MCOLN2: variants seen among roughly 807,000 people sequenced by gnomAD.
The protein encoded by MCOLN2 is mucolipin-2.
Under a neutral mutation model 67.5 loss-of-function variants are expected in MCOLN2, and 57 were observed. The ratio of observed to expected loss-of-function variants is 0.84; its 90% confidence interval spans 0.68 to 1.05. The LOEUF is 1.05. MCOLN2 is among the 50% of genes least tolerant of loss of function. MCOLN2 has a pLI of 0.00. For synonymous variants in MCOLN2, 246 were observed against 233.3 expected, an observed-to-expected ratio of 1.05 and a Z score of -0.50; for missense variants, 620 against 678.8, an observed-to-expected ratio of 0.91 and a Z score of 0.96.
intron 1 of MCOLN2, among the ~76,000 whole-genome samples, chr1:84,988,187 A>G (rs1380775653): frequency 6.6e-6 from 1 of 151,942 alleles, no homozygotes; most frequent in African/African-American, 2.4e-5. Flanking sequence ...GGTGCACAGC[A>G]GAATCATCTG....
chr1:84,965,696 T>C lies in MCOLN2; in HGVS notation c.90A>G (p.Ala30=), dbSNP rs766770733. The C allele has an allele frequency of 6.2e-7, 1 of 1,611,670 alleles. No homozygotes were observed. Among genetic ancestry groups the C allele is most frequent in the Admixed American group, 1.7e-5 (1 of 59,458 alleles). ...CTTCTTTCATCTCAGAATCACGATG[T>C]GCCATTGCATTTCTGCCACAGAAGA... ...VFRLTVRNAM[A]HRDSEMKEEC... The change falls in exon 2 of 14, where the codon GCA becomes GCG. Residue 30 remains alanine (A), a synonymous_variant. Transcript: ENST00000370608.
intron 7 of MCOLN2, among the ~76,000 whole-genome samples, chr1:84,945,256 C>T (rs1414110030): frequency 6.6e-6 from 1 of 152,164 alleles, no homozygotes; most frequent in Non-Finnish European, 1.5e-5. Context: ...TGGAAATTTC[C>T]ATCATTTTGA....
intron 1 of MCOLN2, among the ~76,000 whole-genome samples, chr1:84,967,221 T>G (rs1190600658): frequency 6.6e-6 from 1 of 152,206 alleles, no homozygotes; most frequent in East Asian, 1.9e-4. Context: ...AATGACAATA[T>G]TTGAATTCCT....
chr1:84,973,957 C>T (rs1042906704), intron 1 of MCOLN2, among the ~76,000 whole-genome samples: 2 of 152,314 alleles, frequency 1.3e-5, no homozygotes, highest in Admixed American at 1.3e-4. Context: ...GCAGTGGCCA[C>T]CTGGTGCGCA....
At chr1:84,946,930 C>T (rs1570971012) in intron 7 of MCOLN2, 103 bp downstream of exon 7, 13 of 626,128 alleles carry the variant, frequency 2.1e-5, no homozygotes, top group Non-Finnish European at 1.7e-5. Context: ...AGGCGGTTTT[C>T]TTCCTATTAT....
chr1:84,940,848 G>A (rs759875707), intron 8 of MCOLN2, 31 bp downstream of exon 8: 61 of 1,499,686 alleles, frequency 4.1e-5, no homozygotes, highest in Non-Finnish European at 5.3e-5. Flanking sequence ...CAGGCCAAGA[G>A]GGCAGGAAGA....
At chr1:84,940,836 C>A in intron 8 of MCOLN2, 43 bp downstream of exon 8, 1 of 1,394,728 alleles carries the variant, frequency 7.2e-7, no homozygotes, top group Non-Finnish European at 1.0e-6. Context: ...AAACTGAGGG[C>A]GCAGGCCAAG....
At chr1:84,981,078 G>A (rs969907332) in intron 1 of MCOLN2, among the ~76,000 whole-genome samples, 3 of 151,742 alleles carry the variant, frequency 2.0e-5, no homozygotes, top group East Asian at 1.9e-4. Flanking sequence ...GATCACTAGA[G>A]AAACGCAAAT....
At chr1:84,973,238 A>G (rs555998678) in intron 1 of MCOLN2, among the ~76,000 whole-genome samples, 14 of 152,286 alleles carry the variant, frequency 9.2e-5, no homozygotes, top group African/African-American at 3.4e-4. Context: ...ACACTTTGGG[A>G]GACTGAGGCA....
intron 7 of MCOLN2, among the ~76,000 whole-genome samples, chr1:84,943,603 T>G (rs1647918169): frequency 6.6e-6 from 1 of 152,068 alleles, no homozygotes; most frequent in Admixed American, 6.5e-5. Flanking sequence ...ATGGACTTAG[T>G]AATGCAAAGA....
chr1:84,986,531 A>G (rs1222610422), intron 1 of MCOLN2, among the ~76,000 whole-genome samples: 2 of 149,820 alleles, frequency 1.3e-5, no homozygotes, highest in Non-Finnish European at 3.0e-5. Flanking sequence ...TAACAAGATC[A>G]AAACTCCATC....
At chr1:84,992,988 G>A (rs1650966171) in intron 1 of MCOLN2, among the ~76,000 whole-genome samples, 2 of 152,194 alleles carry the variant, frequency 1.3e-5, no homozygotes, top group South Asian at 2.1e-4. Flanking sequence ...ATATTTCTCT[G>A]TTGCATGCAA....
At chr1:84,963,906 G>A (rs1571002741) in intron 2 of MCOLN2, among the ~76,000 whole-genome samples, 1 of 152,254 alleles carries the variant, frequency 6.6e-6, no homozygotes, top group East Asian at 1.9e-4. Context: ...TTATGCCTGG[G>A]TAAATTAGAA....
Position 84,984,209 on chromosome 1 carries a change from G to T in MCOLN2, c.77+12587C>A, listed in dbSNP as rs2102882261. Among the ~76,000 whole-genome samples the T allele has an allele frequency of 3.9e-5, 6 of 152,232 alleles. 1 individual carries two copies. In the Middle Eastern group the frequency reaches 0.02, roughly 518 times the overall value. On this transcript the variant is annotated intron_variant, in intron 1 of 13. Coordinates refer to ENST00000370608, the MANE Select transcript of MCOLN2 (RefSeq NM_153259.4). Reference sequence around the variant, plus strand: ...TTCAGAGTTGAGCTATTAACATACTGTAATGTTATATTCTTCATCATTCCA... The same window carrying T: ...TTCAGAGTTGAGCTATTAACATACTTTAATGTTATATTCTTCATCATTCCA...
intron 7 of MCOLN2, among the ~76,000 whole-genome samples, chr1:84,942,911 A>G (rs955106644): frequency 2.6e-5 from 4 of 152,116 alleles, no homozygotes; most frequent in African/African-American, 9.7e-5. Context: ...CCAACCAGCA[A>G]GAAGGTCCTC....
chr1:84,969,867 T>G (rs1472529532), intron 1 of MCOLN2, among the ~76,000 whole-genome samples: 1 of 152,036 alleles, frequency 6.6e-6, no homozygotes, highest in East Asian at 1.9e-4. Flanking sequence ...GGAAGCAGAG[T>G]TCTGACTCTG....
chr1:84,929,768 TAA>T, intron 12 of MCOLN2, 89 bp from the exon 13 acceptor site: 1 of 1,322,046 alleles, frequency 7.6e-7, no homozygotes, highest in Non-Finnish European at 1.0e-6. Flanking sequence ...TTTGCTAAAA[TAA>T]AACTCTCCCA....
At chr1:84,981,296 A>G (rs925701367) in intron 1 of MCOLN2, among the ~76,000 whole-genome samples, 2 of 152,210 alleles carry the variant, frequency 1.3e-5, no homozygotes, top group African/African-American at 4.8e-5. Context: ...TAGCAATCCC[A>G]CTGCTGGGTA....
chr1:84,991,211 C>T (rs144591257), intron 1 of MCOLN2, among the ~76,000 whole-genome samples: 56 of 152,070 alleles, frequency 3.7e-4, no homozygotes, highest in African/African-American at 1.3e-3. Flanking sequence ...AGTTTGTGCA[C>T]GACTGGTTTG....
Sources: allele counts gnomAD v4.1 joint callset (sites outside exome capture counted in the v4.1 genomes callset), GRCh38; gene constraint gnomAD v4.1.1; transcripts MANE v1.5; gene names NCBI Gene and HGNC (gene_info 2026-07-23, HGNC 2026-07-21).